GABRB3: variants seen among roughly 807,000 people sequenced by gnomAD.
GABRB3 encodes the protein gamma-aminobutyric acid receptor subunit beta-3.
Under a neutral mutation model 52.1 loss-of-function variants are expected in GABRB3, and 14 were observed. That is an observed-to-expected ratio of 0.27 (90% CI 0.18 to 0.42). The LOEUF (loss-of-function observed/expected upper bound fraction) is 0.42, where lower values mean the gene tolerates loss of function less well. GABRB3 is among the 10% of genes least tolerant of loss of function. The pLI, the probability that GABRB3 is intolerant of heterozygous loss-of-function variation, is 1.00. For synonymous variants in GABRB3, 260 were observed against 232.3 expected, an observed-to-expected ratio of 1.12 and a Z score of -1.08; for missense variants, 307 against 609.1, an observed-to-expected ratio of 0.50 and a Z score of 5.22.
At chr15:26,616,390 T>A (rs974470685) in intron 4 of GABRB3, among the ~76,000 whole-genome samples, 3 of 152,212 alleles carry the variant, frequency 2.0e-5, no homozygotes, top group African/African-American at 7.2e-5. Flanking sequence ...TACATGTTTT[T>A]TAAATATCAA....
intron 3 of GABRB3, among the ~76,000 whole-genome samples, chr15:26,690,745 A>T (rs11635417): frequency 1.3e-5 from 2 of 151,420 alleles, no homozygotes; most frequent in East Asian, 2.0e-4. Context: ...AGGGAGAAAA[A>T]GGTATTGGAT....
At chr15:26,615,988 C>A in intron 4 of GABRB3, 2 of 1,289,210 alleles carry the variant, frequency 1.6e-6, no homozygotes, top group Non-Finnish European at 2.0e-6. Context: ...TCTCTGCAAA[C>A]CTTCCACCAT....
At position 26,759,690 on chromosome 15, in the gene GABRB3, T is replaced by C. The variant is rs531833631; in HGVS notation, c.240+12712A>G. 6.6e-5 allele frequency among the ~76,000 whole-genome samples: 10 copies of C among 152,364 alleles called. No individual in the cohort carries two copies. The South Asian group carries it at 1.4e-3, about 22-fold the overall frequency. On this transcript the variant is annotated intron_variant, in intron 3 of 8. Coordinates refer to ENST00000311550, the MANE Select transcript of GABRB3 (RefSeq NM_000814.6). ...CGATACTGACCACACCCCTGTCCTC[T>C]TCCTTTTGATCTGGATTATGAACTC...
intron 7 of GABRB3, among the ~76,000 whole-genome samples, chr15:26,566,400 T>C (rs984401705): frequency 6.6e-6 from 1 of 152,136 alleles, no homozygotes; most frequent in African/African-American, 2.4e-5. Context: ...AGAAAACACG[T>C]TATTCAATTT....
intron 3 of GABRB3, among the ~76,000 whole-genome samples, chr15:26,761,481 T>C (rs1890820033): frequency 6.9e-6 from 1 of 144,678 alleles, no homozygotes; most frequent in Non-Finnish European, 1.6e-5. Context: ...CACTAGAATC[T>C]TTCATCCAAA....
At chr15:26,698,991 A>C (rs1166166920) in intron 3 of GABRB3, among the ~76,000 whole-genome samples, 1 of 152,242 alleles carries the variant, frequency 6.6e-6, no homozygotes, top group Non-Finnish European at 1.5e-5. Flanking sequence ...AATAAAACTA[A>C]GAGAAAAAGG....
chr15:26,766,875 T>C (rs1891011836), intron 3 of GABRB3, among the ~76,000 whole-genome samples: 2 of 152,162 alleles, frequency 1.3e-5, no homozygotes, highest in South Asian at 4.1e-4. Flanking sequence ...GGACCATGCA[T>C]GTAAGATCCA....
At chr15:26,663,878 A>G (rs1293298058) in intron 3 of GABRB3, among the ~76,000 whole-genome samples, 1 of 152,114 alleles carries the variant, frequency 6.6e-6, no homozygotes, top group Non-Finnish European at 1.5e-5. Flanking sequence ...GTTTTCCATT[A>G]TATATTTTTG....
intron 3 of GABRB3, among the ~76,000 whole-genome samples, chr15:26,670,995 C>T (rs1329876316): frequency 6.6e-6 from 1 of 152,168 alleles, no homozygotes; most frequent in East Asian, 1.9e-4. Context: ...CCTCCTGCCT[C>T]AGCCTCCCAA....
At chr15:26,554,193 A>AAG (rs1567097908) in intron 8 of GABRB3, among the ~76,000 whole-genome samples, 6 of 69,398 alleles carry the variant, frequency 8.6e-5, no homozygotes, top group South Asian at 4.8e-4. Flanking sequence ...TATATATACT[A>AAG]TATATATATA....
At chr15:26,634,752 G>T (rs1893000277) in intron 3 of GABRB3, among the ~76,000 whole-genome samples, 1 of 151,638 alleles carries the variant, frequency 6.6e-6, no homozygotes, top group Non-Finnish European at 1.5e-5. Flanking sequence ...CTGGTAAACT[G>T]CAGAGTCATT....
chr15:26,634,173 G>C (rs984292555), intron 3 of GABRB3, among the ~76,000 whole-genome samples: 1 of 152,044 alleles, frequency 6.6e-6, no homozygotes, highest in Non-Finnish European at 1.5e-5. Flanking sequence ...CTGGGTCTTC[G>C]TTCTTCCACT....
intron 8 of GABRB3, among the ~76,000 whole-genome samples, chr15:26,551,074 T>C (rs1889445345): frequency 6.6e-6 from 1 of 152,322 alleles, no homozygotes. Flanking sequence ...ATGAGGTCAC[T>C]GTCATCATCA....
At position 26,694,786 on chromosome 15, in the gene GABRB3, G is replaced by C. The variant is rs376979837; in HGVS notation, c.241-73252C>G. 8.5e-5 allele frequency among the ~76,000 whole-genome samples: 13 copies of C among 152,318 alleles called. No individual in the cohort carries two copies. The East Asian group carries it at 2.5e-3, about 29-fold the overall frequency. ...AATAAAAAATAGCTATGACTAATAT[G>C]CTTAGGGCTCTAATAGAAAAAATGT... On this transcript the variant is annotated intron_variant, in intron 3 of 8. Coordinates refer to ENST00000311550, the MANE Select transcript of GABRB3 (RefSeq NM_000814.6).
At chr15:26,703,425 CA>C (rs1180200101) in intron 3 of GABRB3, among the ~76,000 whole-genome samples, 1 of 152,160 alleles carries the variant, frequency 6.6e-6, no homozygotes, top group Non-Finnish European at 1.5e-5. Flanking sequence ...TATCCATTGG[CA>C]GCACCTGAGG....
chr15:26,625,424 A>C (rs1389690823), intron 3 of GABRB3: 1 of 970,050 alleles, frequency 1.0e-6, no homozygotes. Flanking sequence ...GAAGTCACCA[A>C]TTTTTACCTT....
intron 3 of GABRB3, among the ~76,000 whole-genome samples, chr15:26,685,203 C>G (rs1888363895): frequency 1.3e-5 from 2 of 152,206 alleles, no homozygotes; most frequent in Non-Finnish European, 2.9e-5. Flanking sequence ...CCCTACTTCT[C>G]CGCCAGCATT....
rs1889123646 is a variant in GABRB3 at position 26,543,889 on chromosome 15, T to C, written c.*3904A>G. On this transcript the variant is annotated 3_prime_UTR_variant, in exon 9 of 9. Coordinates refer to ENST00000311550, the MANE Select transcript of GABRB3 (RefSeq NM_000814.6). ...ACGGGAGCCACTCTCTGGAAGGTCA[T>C]TGTTTACCCAGGTGTTGGGAATTTA... 2 of 152,598 alleles carry C rather than the reference T, an allele frequency of 1.3e-5. No individual in the cohort carries two copies. Among genetic ancestry groups the C allele is most frequent in the South Asian group, 4.1e-4 (2 of 4,830 alleles). 9.5% of individuals were successfully genotyped at this position (152,598 alleles called of 1,614,324 possible). A position where few individuals can be genotyped will look rare whatever the true frequency, so the allele number is the denominator to read the frequency against.
chr15:26,591,663 C>G (rs75890664), intron 4 of GABRB3, among the ~76,000 whole-genome samples: 1 of 152,072 alleles, frequency 6.6e-6, no homozygotes, highest in African/African-American at 2.4e-5. Context: ...TTCAACCCTC[C>G]GAAGAGGAAG....
Sources: gnomAD v4.1 joint callset for allele counts (sites outside exome capture counted in the v4.1 genomes callset) on GRCh38, gnomAD v4.1.1 for gene constraint, MANE v1.5 for transcripts, NCBI Gene and HGNC (gene_info 2026-07-23, HGNC 2026-07-21) for gene names.